The following IFT140 variants were observed in gnomAD, a reference collection of about 807,000 sequenced individuals.
The protein encoded by IFT140 is intraflagellar transport 140.
Under a neutral mutation model 164.6 loss-of-function variants are expected in IFT140, and 133 were observed. The ratio of observed to expected loss-of-function variants is 0.81; its 90% CI spans 0.70 to 0.93. IFT140 has a LOEUF of 0.93. Among genes scored for constraint, IFT140 ranks in the 40% least tolerant of loss-of-function variants. The probability of loss-of-function intolerance (pLI) is 0.00; values close to 1 mark genes in which losing one functional copy is unlikely to be tolerated. For missense variants in IFT140, 2,045 were observed against 1,972.3 expected, an observed-to-expected ratio of 1.04 and a Z score of -0.70; for synonymous variants, 860 against 817.3, an observed-to-expected ratio of 1.05 and a Z score of -0.89.
At chr16:1,563,534 GC>G (rs2033542275) in intron 17 of IFT140, among the ~76,000 whole-genome samples, 1 of 152,016 alleles carries the variant, frequency 6.6e-6, no homozygotes, top group Non-Finnish European at 1.5e-5. Flanking sequence ...CCAAAAAAAT[GC>G]CATTCAGGTC....
At chr16:1,526,469 T>C (rs1254376435) in intron 20 of IFT140, 150 bp downstream of exon 20, 3 of 876,814 alleles carry the variant, frequency 3.4e-6, no homozygotes. Context: ...CCACCGCCGC[T>C]GTCTGCCCAG....
At chr16:1,513,588 T>G (rs2040241240) in intron 30 of IFT140, among the ~76,000 whole-genome samples, 1 of 151,808 alleles carries the variant, frequency 6.6e-6, no homozygotes, top group Admixed American at 6.5e-5. Context: ...GACGGACACA[T>G]GGAAAGGCAC....
intron 15 of IFT140, among the ~76,000 whole-genome samples, chr16:1,567,817 C>T (rs1043036287): frequency 6.6e-6 from 1 of 152,256 alleles, no homozygotes; most frequent in African/African-American, 2.4e-5. Context: ...ATCACCCTGC[C>T]TCTCTGAGTG....
At chr16:1,519,762 G>T in intron 29 of IFT140, 119 bp downstream of exon 29, 2 of 964,620 alleles carry the variant, frequency 2.1e-6, no homozygotes, top group East Asian at 2.8e-5. Context: ...CAGTAGTGCT[G>T]TCCCAAGTGA....
chr16:1,516,492 A>C (rs1038614014), intron 30 of IFT140, among the ~76,000 whole-genome samples: 7 of 151,862 alleles, frequency 4.6e-5, no homozygotes, highest in African/African-American at 1.7e-4. Context: ...CACTAAGGCC[A>C]GGTGCGGTGG....
rs1339244784 is a variant in IFT140, at chr16:1,564,034, G to A, written c.2030C>T (p.Ala677Val). Residue 677 changes from alanine (A) to valine (V), a missense_variant, in exon 17 of 31, where the codon GCA becomes GTA. Physicochemically the swap from Ala to Val is moderately conservative, Grantham distance 64. Transcript: ENST00000426508. This position sits in a 1 kb window ranked among gnomAD's most constrained non-coding sequence, Gnocchi z 5.5. The part of the protein sequence containing the change: ...QETPRSQPQS[A>V]NGQPQDGRAG... ...GCGCCCATCTTGGGGCTGCCCGTTT[G>A]CAGACTGAGGCTGGGAGCGCGGCGT... The A allele has an allele frequency of 1.9e-6, 3 of 1,596,556 alleles. No homozygotes were observed. Among genetic ancestry groups the A allele is most frequent in the Non-Finnish European group, 2.6e-6 (3 of 1,166,416 alleles).
At chr16:1,562,489 G>A (rs893274628) in intron 17 of IFT140, among the ~76,000 whole-genome samples, 3 of 152,132 alleles carry the variant, frequency 2.0e-5, no homozygotes, top group East Asian at 3.9e-4. Context: ...ATCAACAGTA[G>A]CAGGCTGCGC....
At chr16:1,554,672 C>A in intron 19 of IFT140, 1 of 1,464,074 alleles carries the variant, frequency 6.8e-7, no homozygotes. Flanking sequence ...GGACAGAGGG[C>A]TGGGGAAGGA....
At chr16:1,523,404 C>T in intron 26 of IFT140, 114 bp downstream of exon 26, 1 of 1,168,040 alleles carries the variant, frequency 8.6e-7, no homozygotes, top group Non-Finnish European at 1.2e-6. Flanking sequence ...CCCACCGCAG[C>T]CTTCCTGGAG....
At position 1,541,172 on chromosome 16, in the gene IFT140, G is replaced by A. The variant is rs1018859146; in HGVS notation, c.2400-14376C>T. 3 of 985,314 alleles carry A rather than the reference G, an allele frequency of 3.0e-6. No individual in the cohort carries two copies. In the African/African-American group the frequency reaches 5.2e-5, roughly 17 times the overall value. 61.0% of individuals were successfully genotyped at this position (985,314 alleles called of 1,614,324 possible). A position where few individuals can be genotyped will look rare whatever the true frequency, so the allele number is the denominator to read the frequency against. On this transcript the variant is annotated intron_variant, in intron 19 of 30. Coordinates refer to ENST00000426508, the MANE Select transcript of IFT140 (RefSeq NM_014714.4). Reference sequence around the variant, plus strand: ...GCTCCTGCAACCAGGTGTAGGTGGGGGACAGAGAAGGCTGGGCACAGGCCT... The same window carrying A: ...GCTCCTGCAACCAGGTGTAGGTGGGAGACAGAGAAGGCTGGGCACAGGCCT...
intron 19 of IFT140, among the ~76,000 whole-genome samples, chr16:1,542,346 C>T (rs756662642): frequency 7.9e-5 from 12 of 152,382 alleles, no homozygotes; most frequent in Non-Finnish European, 1.5e-4. Flanking sequence ...ACTTTAAAGG[C>T]TGAGGCACTT....
intron 30 of IFT140, among the ~76,000 whole-genome samples, chr16:1,517,350 CAA>C (rs1331940278): frequency 2.8e-4 from 17 of 60,142 alleles, no homozygotes; most frequent in Non-Finnish European, 2.7e-4. Flanking sequence ...ACTCCGTCTC[CAA>C]AAAAAAAAAA....
At chr16:1,604,725 G>T (rs2035973431) in intron 3 of IFT140, among the ~76,000 whole-genome samples, 1 of 152,132 alleles carries the variant, frequency 6.6e-6, no homozygotes, top group Admixed American at 6.6e-5. Context: ...GGAACCTGGA[G>T]GAGGGAAGGG....
At chr16:1,526,568 C>G (rs1042590525) in intron 20 of IFT140, 51 bp downstream of exon 20, 11 of 1,441,244 alleles carry the variant, frequency 7.6e-6, no homozygotes, top group Non-Finnish European at 9.1e-6. Context: ...GGGGCCGTGG[C>G]TGTGGCAGGC....
At chr16:1,586,466 T>A (rs779817658) in intron 9 of IFT140, among the ~76,000 whole-genome samples, 191 bp from the exon 10 acceptor site, 1 of 150,416 alleles carries the variant, frequency 6.6e-6, no homozygotes, top group East Asian at 2.0e-4. Flanking sequence ...AGTGCGGGGG[T>A]GGTGGGGGAT....
intron 3 of IFT140, among the ~76,000 whole-genome samples, chr16:1,606,340 A>C (rs2036060164): frequency 6.6e-6 from 1 of 152,260 alleles, no homozygotes; most frequent in Non-Finnish European, 1.5e-5. Context: ...GATAAGCATG[A>C]AGGATTCCTA....
chr16:1,593,904 G>A (rs1305793187), intron 4 of IFT140, among the ~76,000 whole-genome samples: 1 of 152,134 alleles, frequency 6.6e-6, no homozygotes, highest in Non-Finnish European at 1.5e-5. Context: ...TGAGGAGTGG[G>A]AGATACACCC....
rs564352181 is a variant in IFT140 at position 1,542,940 on chromosome 16, A to G, written c.2399+14995T>C. ...GGAGTTGTCGTCAACGACCTATGGA[A>G]GGGTCCTGCGGTGTTCTAGACAAGT... On this transcript the variant is annotated intron_variant, in intron 19 of 30. Coordinates refer to ENST00000426508, the MANE Select transcript of IFT140 (RefSeq NM_014714.4). 5.2e-5 allele frequency among the ~76,000 whole-genome samples: 8 copies of G among 152,388 alleles called. No homozygotes were observed. In the East Asian group the frequency reaches 1.5e-3, roughly 29 times the overall value.
chr16:1,515,944 C>T (rs1473411151), intron 30 of IFT140, among the ~76,000 whole-genome samples: 1 of 151,688 alleles, frequency 6.6e-6, no homozygotes, highest in Admixed American at 6.6e-5. Context: ...AGTTTGAGAC[C>T]AGCCTGACCA....
Sources: allele counts gnomAD v4.1 joint callset (sites outside exome capture counted in the v4.1 genomes callset), GRCh38; gene constraint gnomAD v4.1.1; non-coding constraint Gnocchi (gnomAD v3.1); transcripts MANE v1.5; gene names NCBI Gene and HGNC (gene_info 2026-07-23, HGNC 2026-07-21).